Variants in ERCC5 observed in about 807,000 individuals in gnomAD.
The protein encoded by ERCC5 is ERCC excision repair 5, endonuclease.
In ERCC5, 68 loss-of-function variants were observed where a neutral mutation model predicts 105.6. The observed-to-expected ratio is 0.64, with a 90% CI of 0.53 to 0.79. The LOEUF is 0.79. Among genes scored for constraint, ERCC5 ranks in the 30% least tolerant of loss-of-function variants. ERCC5 has a pLI of 0.00. For synonymous variants in ERCC5, 546 were observed against 526.2 expected (o/e 1.04, Z -0.51); for missense variants, 1,373 against 1,426.7 (o/e 0.96, Z 0.61).
At chr13:102,871,662 A>T (rs972976239) in intron 12 of ERCC5, among the ~76,000 whole-genome samples, 2 of 152,030 alleles carry the variant, frequency 1.3e-5, no homozygotes, top group Admixed American at 1.3e-4. Flanking sequence ...AGATACATGT[A>T]TCTGTTTTTA....
chr13:102,852,158 G>C lies in ERCC5; in HGVS notation c.129G>C (p.Arg43=). The change falls in exon 2 of 15, where the codon CGG becomes CGC. Residue 43 remains arginine (R), a synonymous_variant. Coordinates refer to ENST00000652225, the MANE Select transcript of ERCC5 (RefSeq NM_000123.4). ...TAAACCAAGCACTTAAAGGAGTCCG[G>C]GATCGCCATGGGAACTCAATAGAAA... ...IWLNQALKGV[R]DRHGNSIENP... The C allele has an allele frequency of 6.2e-7, 1 of 1,614,000 alleles. No individual in the cohort carries two copies. The highest frequency in any genetic ancestry group is 2.2e-5 in the East Asian group (1 of 44,864).
At chr13:102,849,847 A>C (rs1882131816) in intron 1 of ERCC5, among the ~76,000 whole-genome samples, 1 of 152,180 alleles carries the variant, frequency 6.6e-6, no homozygotes, top group Admixed American at 6.5e-5. Flanking sequence ...AAAAACAGAA[A>C]TAACGTGATA....
At chr13:102,872,984 T>C (rs893256540) in intron 13 of ERCC5, among the ~76,000 whole-genome samples, 2 of 152,246 alleles carry the variant, frequency 1.3e-5, no homozygotes, top group Admixed American at 1.3e-4. Context: ...CTTGTTTTTA[T>C]TCCAGTTAAC....
Position 102,865,816 on chromosome 13 carries a change from A to C in ERCC5, c.2104A>C (p.Arg702=). ...CCCTGCTGAGTCCGAGAGCCTCCTGAGGGACAACTCTGAGAGGGACGACGT... is the reference window on the plus strand; with the variant it reads ...CCCTGCTGAGTCCGAGAGCCTCCTGCGGGACAACTCTGAGAGGGACGACGT... ...EAPAESESLL[R]DNSERDDVDG... Residue 702 remains arginine, a synonymous_variant, in exon 9 of 15, where the codon AGG becomes CGG. Transcript: ENST00000652225. This position sits in a 1 kb window ranked among gnomAD's most constrained non-coding sequence, Gnocchi z 4.0. 6.2e-7 allele frequency: 1 copy of C among 1,614,204 alleles called. No individual in the cohort carries two copies. Among genetic ancestry groups the C allele is most frequent in the Non-Finnish European group, 8.5e-7 (1 of 1,180,030 alleles).
At chr13:102,874,189 CTT>C (rs1178395335) in intron 14 of ERCC5, among the ~76,000 whole-genome samples, 4 of 152,046 alleles carry the variant, frequency 2.6e-5, no homozygotes, top group Admixed American at 2.6e-4. Context: ...CATTCTAAAA[CTT>C]AATGTGTTTA....
At position 102,852,273 on chromosome 13, in the gene ERCC5, C is replaced by T. The variant is rs1226484255; in HGVS notation, c.244C>T (p.Leu82=). The T allele has an allele frequency of 6.2e-7, 1 of 1,613,942 alleles. No individual in the cohort carries two copies. The highest frequency in any genetic ancestry group is 8.5e-7 in the Non-Finnish European group (1 of 1,180,014). Residue 82 remains leucine, a synonymous_variant, in exon 2 of 15, where the codon CTA becomes TTA. Transcript: ENST00000652225. ...TTTTGTGTTTGATGGGGATGCTCCACTATTGAAGAAACAGACTTTGGTAAG... is the reference window on the plus strand; with the variant it reads ...TTTTGTGTTTGATGGGGATGCTCCATTATTGAAGAAACAGACTTTGGTAAG... ...PIFVFDGDAP[L]LKKQTLVKRR...
intron 1 of ERCC5, among the ~76,000 whole-genome samples, chr13:102,850,491 A>AT (rs1882162914): frequency 6.6e-6 from 1 of 152,178 alleles, no homozygotes; most frequent in Non-Finnish European, 1.5e-5. Context: ...GAAGTTTTAG[A>AT]TAGTATCTTG....
chr13:102,869,465 A>G (rs1248535057), intron 12 of ERCC5, among the ~76,000 whole-genome samples: 1 of 149,980 alleles, frequency 6.7e-6, no homozygotes, highest in Non-Finnish European at 1.5e-5. Context: ...ACACATATAT[A>G]TGCATATACA....
At chr13:102,860,348 C>G (rs1882575241) in intron 6 of ERCC5, among the ~76,000 whole-genome samples, 1 of 152,172 alleles carries the variant, frequency 6.6e-6, no homozygotes, top group Admixed American at 6.6e-5. Flanking sequence ...GAAATTGGTG[C>G]TAGTTTTGCT....
rs771483226 is a variant in ERCC5, at chr13:102,852,098, T to C, written c.89-20T>C. On this transcript the variant is annotated intron_variant, in intron 1 of 14. Coordinates refer to ENST00000652225, the MANE Select transcript of ERCC5 (RefSeq NM_000123.4). ...TGAAGAGAAAAATCCCGGAGTTTTT[T>C]CCATTAACAATTCTCCCAGATATTA... 2 of 1,613,786 alleles carry C rather than the reference T, an allele frequency of 1.2e-6. No individual in the cohort carries two copies. Among genetic ancestry groups the C allele is most frequent in the Admixed American group, 3.3e-5 (2 of 59,980 alleles).
intron 4 of ERCC5, among the ~76,000 whole-genome samples, chr13:102,855,845 C>T (rs1380617121): frequency 6.6e-6 from 1 of 152,072 alleles, no homozygotes; most frequent in African/African-American, 2.4e-5. Context: ...AGTGACCTGC[C>T]CTTCCCTTGT....
In ERCC5 at chr13:102,868,255, C is replaced by A; in HGVS notation, c.2676C>A (p.Phe892Leu). 1 of 1,614,124 alleles carries A rather than the reference C, an allele frequency of 6.2e-7. No homozygotes were observed. The highest frequency in any genetic ancestry group is 2.2e-5 in the East Asian group (1 of 44,866). ...PGHGLEPLLK[F>L]SEWWHEAQKN... Reference sequence around the variant, plus strand: ...ATGGCCTGGAACCTCTCCTAAAATTCTCGTAAGGTCTTTTATTTCTTTAAT... The same window carrying A: ...ATGGCCTGGAACCTCTCCTAAAATTATCGTAAGGTCTTTTATTTCTTTAAT... The change falls in exon 12 of 15, where the codon TTC (phenylalanine) becomes TTA (leucine). Residue 892 changes from phenylalanine to leucine, a missense_variant and splice_region_variant. This residue lies in a region of ERCC5 where 367 missense variants were observed against 350.2 expected (regional missense o/e 1.05). Coordinates refer to ENST00000652225, the MANE Select transcript of ERCC5 (RefSeq NM_000123.4).
At position 102,868,138 on chromosome 13, in the gene ERCC5, T is replaced by G. The variant is rs755716721; in HGVS notation, c.2559T>G (p.Asn853Lys). ...GATTGGACCGGAATAAGTTAATAAA[T>G]TTGGCTTATTTGCTTGGAAGTGATT... is the stretch of plus-strand genomic sequence containing the variant. ...QLGLDRNKLI[N>K]LAYLLGSDYT... Residue 853 changes from asparagine (N) to lysine (K), a missense_variant, in exon 12 of 15, where the codon AAT (asparagine) becomes AAG (lysine). By Grantham distance (94) the Asn-to-Lys change is moderately conservative. Transcript: ENST00000652225. 1 of 1,614,144 alleles carries G rather than the reference T, an allele frequency of 6.2e-7. No homozygotes were observed. The highest frequency in any genetic ancestry group is 8.5e-7 in the Non-Finnish European group (1 of 1,180,022).
In ERCC5 at chr13:102,866,712, T is replaced by A. The variant is rs2140532582; in HGVS notation, c.2400T>A (p.Thr800=). 6.2e-7 allele frequency: 1 copy of A among 1,614,254 alleles called. No individual in the cohort carries two copies. The highest frequency in any genetic ancestry group is 8.5e-7 in the Non-Finnish European group (1 of 1,180,048). Residue 800 remains threonine, a synonymous_variant, in exon 11 of 15, where the codon ACT becomes ACA. Coordinates refer to ENST00000652225, the MANE Select transcript of ERCC5 (RefSeq NM_000123.4). The stretch of plus-strand genomic sequence containing the variant: ...CGCAGTGCGCCATCCTGGACCTGAC[T>A]GATCAGACTTCCGGAACCATCACTG... ...AEAQCAILDL[T]DQTSGTITDD...
rs2140528031 is a variant in ERCC5 at position 102,862,665 on chromosome 13, G to A, written c.1516G>A (p.Ala506Thr). Residue 506 changes from alanine (A) to threonine (T), a missense_variant, in exon 8 of 15, where the codon GCA (alanine) becomes ACA (threonine). Physicochemically the swap from Ala to Thr is moderately conservative, Grantham distance 58. This residue lies in a region of ERCC5 where 1,004 missense variants were observed against 1,059.7 expected (regional missense o/e 0.95). Transcript: ENST00000652225. ...DRKDRLPLES[A>T]VVRHSDAPGL... Reference sequence around the variant, plus strand: ...AAAAGATCGGCTGCCTCTGGAGAGTGCAGTGGTTAGACATAGTGACGCACC... The same window carrying A: ...AAAAGATCGGCTGCCTCTGGAGAGTACAGTGGTTAGACATAGTGACGCACC... 1 of 1,614,186 alleles carries A rather than the reference G, an allele frequency of 6.2e-7. No individual in the cohort carries two copies. Among genetic ancestry groups the A allele is most frequent in the South Asian group, 1.1e-5 (1 of 91,082 alleles).
chr13:102,870,523 A>G (rs888406981), intron 12 of ERCC5, among the ~76,000 whole-genome samples: 1 of 151,956 alleles, frequency 6.6e-6, no homozygotes, highest in Non-Finnish European at 1.5e-5. Context: ...TGAAGGAGTA[A>G]CCATAGCTTT....
intron 8 of ERCC5, among the ~76,000 whole-genome samples, chr13:102,863,316 A>G (rs1882717493): frequency 6.6e-6 from 1 of 152,212 alleles, no homozygotes; most frequent in African/African-American, 2.4e-5. Context: ...TCATTTTTAA[A>G]GGCATGAAGT....
Position 102,868,166 on chromosome 13 carries a change from AC to A in ERCC5, c.2589del (p.Glu864LysfsTer9). Reference sequence around the variant, plus strand: ...GGCTTATTTGCTTGGAAGTGATTATACCGAAGGAATACCAACTGTGGGTTGT... The same window carrying A: ...GGCTTATTTGCTTGGAAGTGATTATACGAAGGAATACCAACTGTGGGTTGT... ...NLAYLLGSDYTEGIPTVGCVT... is the reference protein window; with the variant it reads ...NLAYLLGSDYXEGIPTVGCVT... On this transcript the variant is annotated frameshift_variant, in exon 12 of 15. Transcript: ENST00000652225. LOFTEE classifies it high-confidence loss of function. The A allele has an allele frequency of 6.2e-7, 1 of 1,614,180 alleles. No individual in the cohort carries two copies. Among genetic ancestry groups the A allele is most frequent in the South Asian group, 1.1e-5 (1 of 91,086 alleles).
In ERCC5 at chr13:102,875,954, A is replaced by G. The variant is rs752838073; in HGVS notation, c.*51A>G. 5 of 1,590,260 alleles carry G rather than the reference A, an allele frequency of 3.1e-6. No individual in the cohort carries two copies. Among genetic ancestry groups the G allele is most frequent in the African/African-American group, 2.7e-5 (2 of 74,182 alleles). On this transcript the variant is annotated 3_prime_UTR_variant, in exon 15 of 15. Transcript: ENST00000652225. The stretch of plus-strand genomic sequence containing the variant: ...TAGTTATGACAGCCATTTGTAATGA[A>G]TTTGTCGCAAAGACGTAATAAAATT...
Sources: gnomAD v4.1 joint callset for allele counts (sites outside exome capture counted in the v4.1 genomes callset) on GRCh38, gnomAD v4.1.1 for gene constraint, gnomAD v4.1.1 regional missense constraint, Gnocchi (gnomAD v3.1) non-coding constraint, MANE v1.5 for transcripts, NCBI Gene and HGNC (gene_info 2026-07-23, HGNC 2026-07-21) for gene names.